The following UBR2 variants were observed in gnomAD, a reference collection of about 807,000 sequenced individuals.
The protein encoded by UBR2 is ubiquitin protein ligase E3 component n-recognin 2, also known as E3 ubiquitin-protein ligase UBR2.
A neutral mutation model predicts 247.9 loss-of-function variants in UBR2; 92 were observed. That is an observed-to-expected ratio of 0.37 (90% CI 0.31 to 0.44). The LOEUF is 0.44. Among genes scored for constraint, UBR2 ranks in the 20% least tolerant of loss-of-function variants. UBR2 has a pLI of 1.00. For missense variants in UBR2, 1,613 were observed against 2,112.6 expected, an observed-to-expected ratio of 0.76 and a Z score of 4.64; for synonymous variants, 672 against 693.5, an observed-to-expected ratio of 0.97 and a Z score of 0.49.
At chr6:42,601,331 C>G (rs1793343314) in intron 4 of UBR2, among the ~76,000 whole-genome samples, 1 of 152,110 alleles carries the variant, frequency 6.6e-6, no homozygotes, top group Admixed American at 6.6e-5. Flanking sequence ...AGTGATTTCA[C>G]CATGTCAGTT....
At chr6:42,616,794 C>G (rs976890424) in intron 10 of UBR2, among the ~76,000 whole-genome samples, 2 of 152,104 alleles carry the variant, frequency 1.3e-5, no homozygotes, top group East Asian at 3.9e-4. Context: ...TTTCAAAATA[C>G]ATGTGTTGTG....
At chr6:42,587,634 AG>A (rs1367368108) in intron 2 of UBR2, among the ~76,000 whole-genome samples, 1 of 152,220 alleles carries the variant, frequency 6.6e-6, no homozygotes, top group African/African-American at 2.4e-5. Flanking sequence ...CTGGGATTAC[AG>A]GCATGAACCA....
intron 11 of UBR2, among the ~76,000 whole-genome samples, chr6:42,632,067 AAAAT>A (rs1467496710): frequency 0.011 from 860 of 80,360 alleles, 2 homozygotes; most frequent in Middle Eastern, 0.017. Context: ...AAAAAAAAAA[AAAAT>A]ATATATATAT....
intron 13 of UBR2, among the ~76,000 whole-genome samples, chr6:42,634,517 C>A (rs574039330): frequency 6.6e-6 from 1 of 152,174 alleles, no homozygotes; most frequent in Non-Finnish European, 1.5e-5. Context: ...TGCAGTGGCG[C>A]GATCTTGGCT....
chr6:42,678,653 C>G lies in UBR2; in HGVS notation c.4593C>G (p.Ser1531=). The G allele has an allele frequency of 1.2e-6, 2 of 1,610,828 alleles. No individual in the cohort carries two copies. The highest frequency in any genetic ancestry group is 2.7e-5 in the African/African-American group (2 of 74,816). ...TTCATTACTTAAATGGAGTTCCTTC[C>G]CCACCCGACATTCAAGGTAATTTAT... ...LFFHYLNGVP[S]PPDIQVPGTS... Residue 1531 remains serine, a synonymous_variant, in exon 41 of 47, where the codon TCC becomes TCG. Transcript: ENST00000372901.
At chr6:42,665,606 C>T in intron 33 of UBR2, 94 bp downstream of exon 33, 1 of 992,678 alleles carries the variant, frequency 1.0e-6, no homozygotes. Context: ...TGAAACCTCC[C>T]ATTTAAAATT....
intron 22 of UBR2, among the ~76,000 whole-genome samples, chr6:42,649,258 C>G (rs1796967462): frequency 6.6e-6 from 1 of 152,218 alleles, no homozygotes; most frequent in Non-Finnish European, 1.5e-5. Flanking sequence ...TCCAGCCCGC[C>G]TCGGCCTCTC....
intron 32 of UBR2, chr6:42,664,017 A>G (rs1797970821): frequency 2.0e-5 from 3 of 152,226 alleles, no homozygotes; most frequent in Admixed American, 1.3e-4. Flanking sequence ...AGTTAGCTGG[A>G]TGTAGCGGCA....
intron 2 of UBR2, 149 bp from the exon 3 acceptor site, chr6:42,592,002 C>G: frequency 1.4e-6 from 1 of 709,852 alleles, no homozygotes; most frequent in Non-Finnish European, 2.3e-6. Context: ...AAAGATCTGA[C>G]AGATCTTTGG....
intron 7 of UBR2, among the ~76,000 whole-genome samples, chr6:42,608,021 C>A (rs1170057968): frequency 6.6e-6 from 1 of 152,000 alleles, no homozygotes; most frequent in Non-Finnish European, 1.5e-5. Flanking sequence ...GATGATTAAA[C>A]CACAATTTAT....
intron 30 of UBR2, among the ~76,000 whole-genome samples, chr6:42,661,755 G>C (rs1020949443): frequency 1.3e-4 from 20 of 152,080 alleles, no homozygotes; most frequent in African/African-American, 4.6e-4. Context: ...GGGGCGCCCC[G>C]TTACTGCCAA....
In UBR2 at chr6:42,594,283, C is replaced by A. The variant is rs1466489364; in HGVS notation, c.510C>A (p.Thr170=). 2.5e-6 allele frequency: 4 copies of A among 1,608,850 alleles called. No homozygotes were observed. In the East Asian group the frequency reaches 6.7e-5, roughly 27 times the overall value. Reference sequence around the variant, plus strand: ...ACTGTCAAAAACATGAACTTAACACCTCTGAAATTGAGGAAGAAGAGGTAA... The same window carrying A: ...ACTGTCAAAAACATGAACTTAACACATCTGAAATTGAGGAAGAAGAGGTAA... ...GPYCQKHELN[T]SEIEEEEDPL... is the part of the protein sequence containing the mutation. Residue 170 remains threonine (T), a synonymous_variant, in exon 4 of 47, where the codon ACC becomes ACA. Transcript: ENST00000372901.
At chr6:42,677,328 G>C (rs180807816) in intron 40 of UBR2, among the ~76,000 whole-genome samples, 143 of 152,278 alleles carry the variant, frequency 9.4e-4, no homozygotes, top group Middle Eastern at 3.4e-3. Flanking sequence ...GCTACAAATA[G>C]CAATTCAGTA....
intron 23 of UBR2, among the ~76,000 whole-genome samples, chr6:42,651,779 C>T (rs1039575476): frequency 1.3e-5 from 2 of 151,498 alleles, no homozygotes; most frequent in Non-Finnish European, 2.9e-5. Context: ...GTGTGAGCTG[C>T]CACGCCCCGG....
rs901557205 is a variant in UBR2, at chr6:42,659,059, T to C, written c.3242+235T>C. Among the ~76,000 whole-genome samples the C allele has an allele frequency of 6.6e-6, 1 of 152,122 alleles. No individual in the cohort carries two copies. The highest frequency in any genetic ancestry group is 2.4e-5 in the African/African-American group (1 of 41,422). On this transcript the variant is annotated intron_variant, in intron 29 of 46. Coordinates refer to ENST00000372901, the MANE Select transcript of UBR2 (RefSeq NM_001363705.2). The surrounding 1 kb of genome is among the most constrained non-coding windows in gnomAD (Gnocchi z 4.3). ...TTCTGCAGAAGACCTTGGACATTCA[T>C]GAAAGAATGAGTACACTACACTCAG...
chr6:42,598,039 G>A (rs1270135648), intron 4 of UBR2, among the ~76,000 whole-genome samples: 1 of 152,116 alleles, frequency 6.6e-6, no homozygotes, highest in East Asian at 1.9e-4. Context: ...TACATCTTCC[G>A]AAAAAGCTGG....
Position 42,663,402 on chromosome 6 carries a change from A to G in UBR2, c.3681A>G (p.Pro1227=), listed in dbSNP as rs769243019. ...SNTVIPLLLP[P]RNIFNNRLNF... ...CTGTTATTCCTCTGCTGCTTCCTCC[A>G]AGAAATATTTTTAACAAGTAAGTTT... Residue 1227 remains proline (P), a synonymous_variant, in exon 32 of 47, where the codon CCA becomes CCG. Transcript: ENST00000372901. The G allele has an allele frequency of 3.1e-6, 5 of 1,607,618 alleles. No individual in the cohort carries two copies. Among genetic ancestry groups the G allele is most frequent in the Non-Finnish European group, 4.2e-6 (5 of 1,177,856 alleles).
In UBR2 at chr6:42,640,228, C is replaced by CA; in HGVS notation, c.1882dup (p.Ser628LysfsTer2). On this transcript the variant is annotated frameshift_variant, in exon 16 of 47. Transcript: ENST00000372901. LOFTEE classifies it high-confidence loss of function. ...ATGCAGGTTTACATGTATTATTAAG[C>CA]AAAAGTGAAGTGGCATATAAATTTC... The CA allele has an allele frequency of 6.2e-7, 1 of 1,606,378 alleles. No individual in the cohort carries two copies. Among genetic ancestry groups the CA allele is most frequent in the Non-Finnish European group, 8.5e-7 (1 of 1,177,372 alleles).
chr6:42,655,791 T>C (rs1469716647), intron 26 of UBR2, 68 bp downstream of exon 26: 5 of 939,666 alleles, frequency 5.3e-6, no homozygotes, highest in Admixed American at 3.0e-5. Flanking sequence ...CTTAATAACC[T>C]CTTTTATTTG....
Sources: allele counts gnomAD v4.1 joint callset (sites outside exome capture counted in the v4.1 genomes callset), GRCh38; gene constraint gnomAD v4.1.1; non-coding constraint Gnocchi (gnomAD v3.1); transcripts MANE v1.5; gene names NCBI Gene and HGNC (gene_info 2026-07-23, HGNC 2026-07-21).